The following AFAP1L2 variants were observed in gnomAD, a reference collection of about 807,000 sequenced individuals.
AFAP1L2 encodes actin filament-associated protein 1-like 2.
In AFAP1L2, 46 loss-of-function variants were observed where a neutral mutation model predicts 99.3. That is an observed-to-expected ratio of 0.46 (90% CI 0.37 to 0.59). The LOEUF (loss-of-function observed/expected upper bound fraction) is 0.59, where lower values mean the gene tolerates loss of function less well. Among genes scored for constraint, AFAP1L2 ranks in the 20% least tolerant of loss-of-function variants. The pLI, the probability that AFAP1L2 is intolerant of heterozygous loss-of-function variation, is 0.00. For synonymous variants in AFAP1L2, 397 were observed against 419.1 expected, an observed-to-expected ratio of 0.95 and a Z score of 0.64; for missense variants, 959 against 1,034.9, an observed-to-expected ratio of 0.93 and a Z score of 1.01.
At chr10:114,281,677 ATAG>A in the AFAP1L2 span, 2 of 958,626 alleles carry the variant, frequency 2.1e-6, no homozygotes, top group Non-Finnish European at 2.5e-6. Context: ...TGTGGACCAG[ATAG>A]TAGCAGCACA....
At position 114,302,491 on chromosome 10, in the gene AFAP1L2, C is replaced by A; in HGVS notation, c.1285-7G>T. ...TTTCCTCGGAAGACTTGGCCTGGAA[C>A]GAGGCCAAGAGAGACATAAGCAGGG... is the stretch of plus-strand genomic sequence containing the variant. On this transcript the variant is annotated splice_polypyrimidine_tract_variant and splice_region_variant and intron_variant, in intron 11 of 18. Transcript: ENST00000304129. 1 of 1,613,876 alleles carries A rather than the reference C, an allele frequency of 6.2e-7. No homozygotes were observed. Among genetic ancestry groups the A allele is most frequent in the Middle Eastern group, 1.7e-4 (1 of 6,058 alleles).
At chr10:114,396,346 G>A (rs2057716792) in intron 1 of AFAP1L2, among the ~76,000 whole-genome samples, 1 of 152,222 alleles carries the variant, frequency 6.6e-6, no homozygotes, top group African/African-American at 2.4e-5. Flanking sequence ...AAGATCTTAA[G>A]AGTCCATTCA....
rs1341134277 is a variant in AFAP1L2 at position 114,304,816 on chromosome 10, A to C, written c.1187T>G (p.Leu396Arg). The C allele has an allele frequency of 6.2e-7, 1 of 1,613,398 alleles. No individual in the cohort carries two copies. The highest frequency in any genetic ancestry group is 8.5e-7 in the Non-Finnish European group (1 of 1,180,006). Residue 396 changes from leucine (L) to arginine (R), a missense_variant, in exon 11 of 19, where the codon CTC (leucine) becomes CGC (arginine). Physicochemically the swap from Leu to Arg is moderately radical, Grantham distance 102. This residue lies in a region of AFAP1L2 where 576 missense variants were observed against 562.1 expected (regional missense o/e 1.02). Coordinates refer to ENST00000304129, the MANE Select transcript of AFAP1L2 (RefSeq NM_001001936.3). ...GACCACCTCGCAGCCCACCAGGCTG[A>C]GGGGTTGCTGGGCCACCTTGCTCCG... is the stretch of plus-strand genomic sequence containing the variant. The part of the protein sequence containing the change: ...RNRSKVAQQP[L>R]SLVGCEVVPD...
rs532230409 is a variant in AFAP1L2, at chr10:114,400,769, T to C, written c.16+3671A>G. ...GAATCACCTGAAGACCTTTAAAAAA[T>C]ACAATGCCCAAGCTGTACCCTAGAC... On this transcript the variant is annotated intron_variant, in intron 1 of 18. Coordinates refer to ENST00000304129, the MANE Select transcript of AFAP1L2 (RefSeq NM_001001936.3). 2.3e-4 allele frequency among the ~76,000 whole-genome samples: 35 copies of C among 152,338 alleles called. 1 individual carries two copies. In the South Asian group the frequency reaches 7.3e-3, roughly 32 times the overall value.
the AFAP1L2 span, chr10:114,289,601 C>A: frequency 1.6e-6 from 2 of 1,253,440 alleles, no homozygotes; most frequent in Non-Finnish European, 2.3e-6. Context: ...TGAGCACTTG[C>A]TTCCCAAGTG....
intron 2 of AFAP1L2, among the ~76,000 whole-genome samples, chr10:114,336,117 G>A (rs922056756): frequency 2.6e-5 from 4 of 152,234 alleles, no homozygotes; most frequent in Non-Finnish European, 4.4e-5. Context: ...TCATGAGGGT[G>A]CATCGGCCCA....
intron 1 of AFAP1L2, among the ~76,000 whole-genome samples, chr10:114,384,322 C>A (rs1035042450): frequency 6.7e-6 from 1 of 150,176 alleles, no homozygotes; most frequent in South Asian, 2.1e-4. Context: ...TCTTGTCTGT[C>A]GTCCCCCCCC....
chr10:114,355,180 G>GTA (rs774934991), intron 1 of AFAP1L2, among the ~76,000 whole-genome samples: 3 of 152,176 alleles, frequency 2.0e-5, no homozygotes, highest in Non-Finnish European at 2.9e-5. Context: ...CCACAGTGGA[G>GTA]TATAGCAGGC....
At chr10:114,289,152 G>A in the AFAP1L2 span, 1 of 1,613,856 alleles carries the variant, frequency 6.2e-7, no homozygotes, top group Non-Finnish European at 8.5e-7. Context: ...CTGCGATGCT[G>A]CGGGCCATTA....
chr10:114,372,234 G>A (rs951863953), intron 1 of AFAP1L2, among the ~76,000 whole-genome samples: 2 of 152,200 alleles, frequency 1.3e-5, no homozygotes, highest in Admixed American at 6.5e-5. Context: ...CTTGGTCTCT[G>A]GGGATGCCCT....
downstream of AFAP1L2, chr10:114,291,269 C>T (rs1222776167): frequency 1.3e-6 from 2 of 1,544,858 alleles, no homozygotes; most frequent in East Asian, 2.4e-5. Context: ...AGGGCAGCAG[C>T]CGTACCCCTC....
chr10:114,323,807 A>C (rs1214967506), intron 4 of AFAP1L2, among the ~76,000 whole-genome samples: 1 of 152,210 alleles, frequency 6.6e-6, no homozygotes, highest in Non-Finnish European at 1.5e-5. Context: ...AGTCCTAAGA[A>C]AAGCTTGAGT....
Position 114,314,049 on chromosome 10 carries a change from C to G in AFAP1L2, c.614G>C (p.Cys205Ser). ...LCVIKDNRLL[C>S]YKSSKDHSPQ... ...GCTGTGGTCCTTGGAGGATTTGTAG[C>G]ACTGGAAGGAAAGAGAGAAGATACA... Residue 205 changes from cysteine (C) to serine (S), a missense_variant and splice_region_variant, in exon 7 of 19, where the codon TGC becomes TCC. Cys to Ser is a moderately radical substitution (Grantham distance 112). Transcript: ENST00000304129. The G allele has an allele frequency of 6.2e-7, 1 of 1,608,176 alleles. No individual in the cohort carries two copies. Among genetic ancestry groups the G allele is most frequent in the Non-Finnish European group, 8.5e-7 (1 of 1,175,240 alleles).
chr10:114,387,723 A>G (rs1323272538), intron 1 of AFAP1L2, among the ~76,000 whole-genome samples: 1 of 152,202 alleles, frequency 6.6e-6, no homozygotes, highest in Non-Finnish European at 1.5e-5. Context: ...GCACGAAGCC[A>G]CACCCTGCAA....
the AFAP1L2 span, chr10:114,286,463 A>C: frequency 3.1e-6 from 5 of 1,603,432 alleles, 1 homozygote; most frequent in South Asian, 5.5e-5. Flanking sequence ...GGATCTGTTC[A>C]ACCAAATCCC....
chr10:114,375,257 T>C (rs2054637929), intron 1 of AFAP1L2, among the ~76,000 whole-genome samples: 1 of 152,242 alleles, frequency 6.6e-6, no homozygotes, highest in Non-Finnish European at 1.5e-5. Flanking sequence ...CAGTGGCTAC[T>C]TCCAGGCTAC....
At chr10:114,306,832 C>T (rs1010439570) in intron 10 of AFAP1L2, among the ~76,000 whole-genome samples, 7 of 152,138 alleles carry the variant, frequency 4.6e-5, no homozygotes, top group Admixed American at 4.6e-4. Context: ...AACAGTGACT[C>T]ACAGGGACTG....
chr10:114,356,231 G>A (rs191126718), intron 1 of AFAP1L2, among the ~76,000 whole-genome samples: 5 of 152,232 alleles, frequency 3.3e-5, no homozygotes, highest in Admixed American at 3.3e-4. Context: ...CAGGAATAAA[G>A]TACATTAATA....
At chr10:114,390,763 C>T (rs548535077) in intron 1 of AFAP1L2, among the ~76,000 whole-genome samples, 9 of 150,736 alleles carry the variant, frequency 6.0e-5, no homozygotes, top group African/African-American at 1.9e-4. Context: ...TCCAGACTGG[C>T]TGTACTAGCC....
Sources: gnomAD v4.1 joint callset for allele counts (sites outside exome capture counted in the v4.1 genomes callset) on GRCh38, gnomAD v4.1.1 for gene constraint, gnomAD v4.1.1 regional missense constraint, MANE v1.5 for transcripts, NCBI Gene and HGNC (gene_info 2026-07-23, HGNC 2026-07-21) for gene names.